RGS7: variants seen among roughly 807,000 people sequenced by gnomAD.
RGS7 encodes the protein regulator of G-protein signaling 7.
In RGS7, 27 loss-of-function variants were observed where a neutral mutation model predicts 81.1. The observed-to-expected ratio is 0.33, with a 90% CI of 0.25 to 0.46. RGS7 has a LOEUF of 0.46. Ranked by LOEUF, RGS7 falls within the 20% of genes least tolerant of loss-of-function variation. The pLI is 1.00. For missense variants in RGS7, 396 were observed against 607.4 expected (o/e 0.65, Z 3.66); for synonymous variants, 208 against 207.7 (o/e 1.00, Z -0.01).
At position 240,898,246 on chromosome 1, in the gene RGS7, T is replaced by C. The variant is rs558165216; in HGVS notation, c.386-28127A>G. On this transcript the variant is annotated intron_variant, in intron 6 of 18. Coordinates refer to ENST00000440928, the MANE Select transcript of RGS7 (RefSeq NM_001364886.1). ...TTCAAAAAACCAGCTCCTGGATTCATTGATTTTTTGAAGGGTTTTTTGTGT... is the reference window on the plus strand; with the variant it reads ...TTCAAAAAACCAGCTCCTGGATTCACTGATTTTTTGAAGGGTTTTTTGTGT... Among the ~76,000 whole-genome samples the C allele has an allele frequency of 3.3e-5, 5 of 152,308 alleles. No homozygotes were observed. In the South Asian group the frequency reaches 6.2e-4, roughly 19 times the overall value.
chr1:241,299,483 C>A (rs1341845099), intron 2 of RGS7, among the ~76,000 whole-genome samples: 1 of 151,910 alleles, frequency 6.6e-6, no homozygotes, highest in African/African-American at 2.4e-5. Flanking sequence ...ACTTTCTTAG[C>A]AAATCTCATT....
At chr1:241,143,228 C>T (rs1271653450) in intron 2 of RGS7, among the ~76,000 whole-genome samples, 3 of 152,202 alleles carry the variant, frequency 2.0e-5, no homozygotes, top group Non-Finnish European at 4.4e-5. Context: ...ATTCCAACCT[C>T]TGCCTGTTAC....
rs536594532 is a variant in RGS7, at chr1:240,814,647, T to C, written c.845+69A>G. On this transcript the variant is annotated intron_variant, in intron 12 of 18. Transcript: ENST00000440928. ...CCAACTCCTGTCCCCACAGTTCTCT[T>C]TCATTTTTAAACACATGTAATTGTC... The C allele has an allele frequency of 1.0e-5, 10 of 964,594 alleles. No individual in the cohort carries two copies. In the South Asian group the frequency reaches 1.3e-4, roughly 12 times the overall value. 59.8% of individuals were successfully genotyped at this position (964,594 alleles called of 1,614,324 possible).
intron 2 of RGS7, among the ~76,000 whole-genome samples, chr1:241,282,237 G>C (rs926573379): frequency 5.3e-5 from 8 of 152,226 alleles, no homozygotes; most frequent in Middle Eastern, 3.4e-3. Flanking sequence ...ACTTATAAAG[G>C]AGAATATGCA....
At chr1:241,089,063 C>CTCTCTCTCTCTATATATATATATATA (rs1374552672) in intron 3 of RGS7, among the ~76,000 whole-genome samples, 1 of 23,686 alleles carries the variant, frequency 4.2e-5, no homozygotes, top group African/African-American at 2.3e-4. Context: ...CTCTCTCTCT[C>CTCTCTCTCTCTATATATATATATATA]TATATATATA....
At chr1:241,252,469 A>G (rs1422153086) in intron 2 of RGS7, among the ~76,000 whole-genome samples, 3 of 152,058 alleles carry the variant, frequency 2.0e-5, no homozygotes, top group African/African-American at 7.2e-5. Context: ...ACCCTCCCAC[A>G]CCCTGCAACA....
At chr1:240,956,924 C>G (rs78002654) in intron 4 of RGS7, among the ~76,000 whole-genome samples, 19 of 151,784 alleles carry the variant, frequency 1.3e-4, no homozygotes, top group Admixed American at 4.6e-4. Flanking sequence ...CTCCTCAAAA[C>G]GGTTAAGGCC....
At chr1:241,081,119 A>C (rs2063106259) in intron 3 of RGS7, among the ~76,000 whole-genome samples, 1 of 152,178 alleles carries the variant, frequency 6.6e-6, no homozygotes, top group African/African-American at 2.4e-5. Flanking sequence ...CTTAACTGTT[A>C]GTGCTGAACC....
chr1:241,207,117 CA>C (rs1337939936), intron 2 of RGS7, among the ~76,000 whole-genome samples: 2 of 151,366 alleles, frequency 1.3e-5, no homozygotes, highest in African/African-American at 2.4e-5. Context: ...TACAGGTGCC[CA>C]CCACCACGCC....
intron 6 of RGS7, among the ~76,000 whole-genome samples, chr1:240,926,956 C>A (rs1674549746): frequency 6.6e-6 from 1 of 152,152 alleles, no homozygotes; most frequent in Non-Finnish European, 1.5e-5. Context: ...TTCATATCAA[C>A]TGATCTATTG....
At chr1:241,253,921 G>T (rs373387832) in intron 2 of RGS7, among the ~76,000 whole-genome samples, 1 of 152,186 alleles carries the variant, frequency 6.6e-6, no homozygotes, top group Non-Finnish European at 1.5e-5. Flanking sequence ...GTTCAATGTG[G>T]TGAAGAAATT....
intron 6 of RGS7, among the ~76,000 whole-genome samples, chr1:240,882,310 T>C (rs1213713959): frequency 6.6e-6 from 1 of 152,140 alleles, no homozygotes; most frequent in Non-Finnish European, 1.5e-5. Context: ...GAACTATTAA[T>C]AGGAAAAGAA....
intron 3 of RGS7, among the ~76,000 whole-genome samples, chr1:241,046,379 C>T (rs1412817462): frequency 6.6e-6 from 1 of 151,368 alleles, no homozygotes; most frequent in East Asian, 2.0e-4. Context: ...ATGTATAGCT[C>T]CCACTTCCAG....
At chr1:240,818,485 T>C (rs1350520438) in intron 10 of RGS7, among the ~76,000 whole-genome samples, 1 of 152,176 alleles carries the variant, frequency 6.6e-6, no homozygotes, top group Non-Finnish European at 1.5e-5. Flanking sequence ...GGAATGGAAA[T>C]GGCCCAAACT....
At chr1:240,936,791 T>C in intron 4 of RGS7, 85 bp from the exon 5 acceptor site, 2 of 973,764 alleles carry the variant, frequency 2.1e-6, no homozygotes, top group East Asian at 2.4e-5. Flanking sequence ...GTGTGGTTCC[T>C]TTTGTCAGAT....
At chr1:241,146,635 A>G (rs1238943178) in intron 2 of RGS7, among the ~76,000 whole-genome samples, 1 of 152,254 alleles carries the variant, frequency 6.6e-6, no homozygotes, top group Non-Finnish European at 1.5e-5. Context: ...TGGCAAAGGA[A>G]GAAAATAAAA....
chr1:241,103,155 GTATGTGTGTGTATATA>G (rs1378778090), intron 2 of RGS7, among the ~76,000 whole-genome samples: 2 of 151,992 alleles, frequency 1.3e-5, no homozygotes, highest in South Asian at 2.1e-4. Context: ...ATATATATAT[GTATGTGTGTGTATATA>G]TATGTGTGTA....
In RGS7 at chr1:241,004,268, C is replaced by T. The variant is rs2058573746; in HGVS notation, c.176-21139G>A. On this transcript the variant is annotated intron_variant, in intron 3 of 18. Transcript: ENST00000440928. ...TTGCCATCCCCAGCCTTTCTTACTGCTGCTTGGTAATTCATTTTCCACCAA... is the reference window on the plus strand; with the variant it reads ...TTGCCATCCCCAGCCTTTCTTACTGTTGCTTGGTAATTCATTTTCCACCAA... Among the ~76,000 whole-genome samples, 2 of 152,138 alleles carry T rather than the reference C, an allele frequency of 1.3e-5. 1 individual carries two copies. The highest frequency in any genetic ancestry group is 4.1e-4 in the South Asian group (2 of 4,828).
chr1:241,318,597 C>G (rs957354693), intron 2 of RGS7, among the ~76,000 whole-genome samples: 2 of 152,092 alleles, frequency 1.3e-5, no homozygotes, highest in African/African-American at 2.4e-5. Flanking sequence ...GCTGGGATTA[C>G]AGGCATGTGC....
Sources: allele counts gnomAD v4.1 joint callset (sites outside exome capture counted in the v4.1 genomes callset), GRCh38; gene constraint gnomAD v4.1.1; transcripts MANE v1.5; gene names NCBI Gene and HGNC (gene_info 2026-07-23, HGNC 2026-07-21).